The following RGPD2 variants were observed in gnomAD, a reference collection of about 807,000 sequenced individuals.
RGPD2 encodes RANBP2-like and GRIP domain-containing protein 2.
Under a neutral mutation model 36.0 loss-of-function variants are expected in RGPD2, and 2 were observed. The observed-to-expected ratio is 0.06, with a 90% CI of 0.02 to 0.17. The LOEUF (loss-of-function observed/expected upper bound fraction) is 0.17. RGPD2 is among the 10% of genes least tolerant of loss of function. The pLI, the probability that RGPD2 is intolerant of heterozygous loss-of-function variation, is 1.00. For synonymous variants in RGPD2, 19 were observed against 163.8 expected (o/e 0.12, Z 6.75); for missense variants, 40 against 464.3 (o/e 0.09, Z 8.40).
At chr2:87,836,803 C>G in the RGPD2 span, among the ~76,000 whole-genome samples, 1 of 152,044 alleles carries the variant, frequency 6.6e-6, no homozygotes, top group African/African-American at 2.4e-5. Context: ...TTGGGTAAAG[C>G]AGCCAAACAT....
chr2:87,760,808 A>G (rs1684866425), intron 22 of RGPD2, among the ~76,000 whole-genome samples: 2 of 119,474 alleles, frequency 1.7e-5, no homozygotes, highest in East Asian at 2.5e-4. Context: ...TAGTAGAGAC[A>G]GGGTTTCACC....
At chr2:87,886,184 C>A in the RGPD2 span, among the ~76,000 whole-genome samples, 5 of 151,700 alleles carry the variant, frequency 3.3e-5, no homozygotes, top group African/African-American at 1.2e-4. Context: ...GTTTCTACCT[C>A]ATAGCCCTTG....
At chr2:87,986,034 T>G in the RGPD2 span, 1 of 707,210 alleles carries the variant, frequency 1.4e-6, no homozygotes, top group Non-Finnish European at 2.3e-6. Context: ...AAAAGAAAAC[T>G]GTCATTAAAG....
chr2:87,824,991 T>G, intron 1 of RGPD2: 1 of 392,020 alleles, frequency 2.6e-6, no homozygotes, highest in Non-Finnish European at 4.5e-6. Flanking sequence ...GCCCCCATAC[T>G]TCTTACACTA....
At chr2:87,904,936 CA>C in the RGPD2 span, among the ~76,000 whole-genome samples, 1 of 150,488 alleles carries the variant, frequency 6.6e-6, no homozygotes, top group African/African-American at 2.4e-5. Context: ...GCCACACAGG[CA>C]TTAAGTTAGG....
chr2:87,853,359 A>C, the RGPD2 span, among the ~76,000 whole-genome samples: 4 of 152,130 alleles, frequency 2.6e-5, no homozygotes, highest in Non-Finnish European at 5.9e-5. Flanking sequence ...AGTAACTAGG[A>C]CTACCTGTGT....
chr2:87,973,693 TAAAAAAA>T, the RGPD2 span, among the ~76,000 whole-genome samples: 2 of 105,464 alleles, frequency 1.9e-5, no homozygotes, highest in South Asian at 3.3e-4. Context: ...GTGAACCAGC[TAAAAAAA>T]AAAAAAAAAA....
At chr2:87,814,035 C>A (rs1686211079) in intron 4 of RGPD2, among the ~76,000 whole-genome samples, 1 of 149,846 alleles carries the variant, frequency 6.7e-6, no homozygotes. Flanking sequence ...ACTACTGACA[C>A]CAGATTAACT....
intron 22 of RGPD2, chr2:87,758,857 AG>A (rs1684825018): frequency 1.3e-6 from 1 of 761,620 alleles, no homozygotes; most frequent in African/African-American, 1.7e-5. Flanking sequence ...CTGAGTGTGA[AG>A]GGCAGGAGTG....
the RGPD2 span, among the ~76,000 whole-genome samples, chr2:87,962,337 C>A: frequency 2.0e-5 from 3 of 151,734 alleles, no homozygotes; most frequent in Non-Finnish European, 4.4e-5. Flanking sequence ...GAAATTTGGG[C>A]TATTTTGGTT....
the RGPD2 span, among the ~76,000 whole-genome samples, chr2:87,913,101 T>C: frequency 1.3e-5 from 2 of 152,202 alleles, no homozygotes; most frequent in African/African-American, 4.8e-5. Flanking sequence ...TGTCCTTATA[T>C]GGCTTTTTAG....
chr2:87,980,949 CT>C, the RGPD2 span, among the ~76,000 whole-genome samples: 1 of 138,788 alleles, frequency 7.2e-6, no homozygotes, highest in Non-Finnish European at 1.6e-5. Context: ...AAATATCTTT[CT>C]TCCAGGTTAC....
intron 7 of RGPD2, among the ~76,000 whole-genome samples, chr2:87,805,915 G>C (rs1206694469): frequency 6.1e-5 from 9 of 146,870 alleles, no homozygotes; most frequent in African/African-American, 1.5e-4. Context: ...TGTAATCCCA[G>C]CACTTTGGGA....
At chr2:87,986,870 A>G in the RGPD2 span, among the ~76,000 whole-genome samples, 1 of 91,618 alleles carries the variant, frequency 1.1e-5, no homozygotes. Flanking sequence ...ACTACAGCGA[A>G]ACTGTCTCAA....
chr2:87,825,388 C>T (rs894795904), intron 1 of RGPD2, among the ~76,000 whole-genome samples: 10 of 137,296 alleles, frequency 7.3e-5, no homozygotes, highest in African/African-American at 2.8e-4. Flanking sequence ...CCGCCGCCGC[C>T]GCCGCCGCCC....
chr2:87,888,189 A>G, the RGPD2 span, among the ~76,000 whole-genome samples: 7 of 151,974 alleles, frequency 4.6e-5, no homozygotes, highest in African/African-American at 1.4e-4. Flanking sequence ...AAACACATGA[A>G]TGTTTTTCTA....
the RGPD2 span, among the ~76,000 whole-genome samples, chr2:87,864,858 C>CTT: frequency 6.6e-6 from 1 of 152,172 alleles, no homozygotes; most frequent in Non-Finnish European, 1.5e-5. Flanking sequence ...GATATAAATC[C>CTT]TTTGTTAGAT....
chr2:87,985,675 A>C, the RGPD2 span: 2 of 1,412,548 alleles, frequency 1.4e-6, no homozygotes, highest in Non-Finnish European at 2.0e-6. Context: ...CCAATTATGC[A>C]ACCATTACAT....
At chr2:87,891,422 AG>A in the RGPD2 span, among the ~76,000 whole-genome samples, 1 of 150,432 alleles carries the variant, frequency 6.6e-6, no homozygotes, top group Admixed American at 6.7e-5. Context: ...TTCAAAACAA[AG>A]GCACCACCCA....
Sources: allele counts gnomAD v4.1 joint callset (sites outside exome capture counted in the v4.1 genomes callset), GRCh38; gene constraint gnomAD v4.1.1; transcripts MANE v1.5; gene names NCBI Gene and HGNC (gene_info 2026-07-23, HGNC 2026-07-21).